CFTR: variants seen among roughly 807,000 people sequenced by gnomAD.
CFTR encodes the protein CF transmembrane conductance regulator.
A neutral mutation model predicts 171.6 loss-of-function variants in CFTR; 181 were observed. The observed-to-expected ratio is 1.05, with a 90% CI of 0.93 to 1.19. CFTR has a LOEUF of 1.19. Ranked by LOEUF, CFTR falls within the 50% of genes most tolerant of loss-of-function variation. The pLI, the probability that CFTR is intolerant of heterozygous loss-of-function variation, is 0.00. For synonymous variants in CFTR, 583 were observed against 608.0 expected, an observed-to-expected ratio of 0.96 and a Z score of 0.60; for missense variants, 1,968 against 1,734.7, an observed-to-expected ratio of 1.13 and a Z score of -2.39.
chr7:117,611,102 A>G (rs927914883), intron 19 of CFTR, among the ~76,000 whole-genome samples: 5 of 152,114 alleles, frequency 3.3e-5, no homozygotes, highest in South Asian at 2.1e-4. Flanking sequence ...TGTGCCCCCA[A>G]ACTCTACTTG....
intron 18 of CFTR, among the ~76,000 whole-genome samples, chr7:117,607,016 C>T (rs1792310209): frequency 6.6e-6 from 1 of 152,056 alleles, no homozygotes; most frequent in Non-Finnish European, 1.5e-5. Context: ...ATTTGAGAGG[C>T]ACAAAGGACC....
At chr7:117,576,274 A>T (rs1243525512) in intron 11 of CFTR, among the ~76,000 whole-genome samples, 2 of 152,168 alleles carry the variant, frequency 1.3e-5, no homozygotes, top group Admixed American at 6.6e-5. Flanking sequence ...AACCACAGAT[A>T]GAAAATATTT....
In CFTR at chr7:117,664,845, C is replaced by G. The variant is rs115147093; in HGVS notation, c.4121C>G (p.Ala1374Gly). The change falls in exon 25 of 27, where the codon GCT becomes GGT. Residue 1374 changes from alanine (A) to glycine (G), a missense_variant. Coordinates refer to ENST00000003084, the MANE Select transcript of CFTR (RefSeq NM_000492.4). ...ATCTTGCTGCTTGATGAACCCAGTGCTCATTTGGATCCAGTGTGAGTTTCA... is the reference window on the plus strand; with the variant it reads ...ATCTTGCTGCTTGATGAACCCAGTGGTCATTTGGATCCAGTGTGAGTTTCA... Reference protein sequence around the residue: ...AKILLLDEPSAHLDPVTYQII... With the variant: ...AKILLLDEPSGHLDPVTYQII... The G allele has an allele frequency of 1.2e-6, 2 of 1,613,920 alleles. No individual in the cohort carries two copies. Among genetic ancestry groups the G allele is most frequent in the African/African-American group, 2.7e-5 (2 of 75,006 alleles).
chr7:117,497,609 G>T (rs912529165), intron 1 of CFTR, among the ~76,000 whole-genome samples: 16 of 152,100 alleles, frequency 1.1e-4, no homozygotes, highest in South Asian at 6.2e-4. Flanking sequence ...CTTTAGTTCA[G>T]TTTTTTTCAA....
At chr7:117,632,649 C>T (rs936331641) in intron 22 of CFTR, among the ~76,000 whole-genome samples, 4 of 151,830 alleles carry the variant, frequency 2.6e-5, no homozygotes, top group Non-Finnish European at 5.9e-5. Context: ...AGACCAGTTG[C>T]AAAAGGTTAG....
intron 1 of CFTR, among the ~76,000 whole-genome samples, chr7:117,496,487 A>G (rs1034109969): frequency 6.6e-6 from 1 of 152,184 alleles, no homozygotes; most frequent in Admixed American, 6.5e-5. Context: ...TATAGGTGTG[A>G]GCCACAGCAC....
At chr7:117,623,183 A>T (rs555579612) in intron 21 of CFTR, among the ~76,000 whole-genome samples, 1 of 152,116 alleles carries the variant, frequency 6.6e-6, no homozygotes, top group South Asian at 2.1e-4. Flanking sequence ...CTTCCCCACA[A>T]ATGAAGAATG....
intron 4 of CFTR, 115 bp downstream of exon 4, chr7:117,531,229 T>C (rs1394318816): frequency 1.3e-6 from 1 of 741,988 alleles, no homozygotes; most frequent in East Asian, 2.7e-5. Flanking sequence ...GAAATTAATT[T>C]AATATGCCTA....
intron 22 of CFTR, among the ~76,000 whole-genome samples, chr7:117,631,269 C>G (rs1310474400): frequency 3.3e-5 from 5 of 152,134 alleles, no homozygotes; most frequent in Non-Finnish European, 7.4e-5. Flanking sequence ...GTGATAAGAG[C>G]TACAGGAGCA....
At chr7:117,595,286 T>C (rs1792103042) in intron 15 of CFTR, among the ~76,000 whole-genome samples, 1 of 150,926 alleles carries the variant, frequency 6.6e-6, no homozygotes, top group Admixed American at 6.6e-5. Context: ...TCTTAGCTTC[T>C]GAAAAATCAA....
At chr7:117,493,702 A>T (rs1356110397) in intron 1 of CFTR, among the ~76,000 whole-genome samples, 1 of 152,134 alleles carries the variant, frequency 6.6e-6, no homozygotes, top group Non-Finnish European at 1.5e-5. Flanking sequence ...CAAAAAGAGA[A>T]GTAAAGAAGA....
chr7:117,511,591 G>A (rs182715848), intron 3 of CFTR, among the ~76,000 whole-genome samples: 1 of 152,270 alleles, frequency 6.6e-6, no homozygotes, highest in Non-Finnish European at 1.5e-5. Context: ...GATCCTGGGG[G>A]AAGAAGCAGC....
At chr7:117,524,116 A>T (rs1798730419) in intron 3 of CFTR, among the ~76,000 whole-genome samples, 2 of 152,218 alleles carry the variant, frequency 1.3e-5, no homozygotes, top group African/African-American at 4.8e-5. Flanking sequence ...ATATATTAGC[A>T]GATAAATGAG....
chr7:117,603,931 G>T, intron 17 of CFTR, 149 bp downstream of exon 17: 1 of 804,890 alleles, frequency 1.2e-6, no homozygotes, highest in Non-Finnish European at 2.1e-6. Context: ...ACATGTCTCA[G>T]ATATTATAGG....
At chr7:117,554,232 G>A (rs576981451) in intron 10 of CFTR, among the ~76,000 whole-genome samples, 38 of 152,242 alleles carry the variant, frequency 2.5e-4, no homozygotes, top group Non-Finnish European at 5.0e-4. Context: ...AGTGATGATG[G>A]TGGCTTGATC....
chr7:117,639,045 C>T (rs1584835047), intron 22 of CFTR, among the ~76,000 whole-genome samples: 4 of 152,078 alleles, frequency 2.6e-5, no homozygotes, highest in Middle Eastern at 3.4e-3. Flanking sequence ...GTGGGCATCT[C>T]GTTTAATTTT....
intron 11 of CFTR, among the ~76,000 whole-genome samples, chr7:117,584,987 T>C (rs1026953819): frequency 6.6e-6 from 1 of 152,036 alleles, no homozygotes; most frequent in African/African-American, 2.4e-5. Context: ...GATTGAGTTC[T>C]TGATTTGATT....
chr7:117,583,206 T>C (rs993835857), intron 11 of CFTR, among the ~76,000 whole-genome samples: 1 of 152,178 alleles, frequency 6.6e-6, no homozygotes, highest in Non-Finnish European at 1.5e-5. Context: ...GTTTTTGGGC[T>C]ACAGGTGGTT....
intron 11 of CFTR, among the ~76,000 whole-genome samples, chr7:117,565,900 C>T (rs551709835): frequency 6.6e-6 from 1 of 152,058 alleles, no homozygotes; most frequent in Non-Finnish European, 1.5e-5. Flanking sequence ...GAGTTAATGA[C>T]TGTTCTGGAA....
Sources: allele counts gnomAD v4.1 joint callset (sites outside exome capture counted in the v4.1 genomes callset), GRCh38; gene constraint gnomAD v4.1.1; transcripts MANE v1.5; gene names NCBI Gene and HGNC (gene_info 2026-07-23, HGNC 2026-07-21).